The following DNAH2 variants were observed in gnomAD, a reference collection of about 807,000 sequenced individuals.
The protein encoded by DNAH2 is dynein axonemal heavy chain 2, also known as axonemal beta dynein heavy chain 2.
A neutral mutation model predicts 523.5 loss-of-function variants in DNAH2; 323 were observed. That is an observed-to-expected ratio of 0.62 (90% CI 0.56 to 0.68). DNAH2 has a LOEUF of 0.68. DNAH2 is among the 30% of genes least tolerant of loss of function. The probability of loss-of-function intolerance (pLI) is 0.00; values close to 1 mark genes in which losing one functional copy is unlikely to be tolerated. For missense variants in DNAH2, 4,907 were observed against 5,701.5 expected (o/e 0.86, Z 4.49); for synonymous variants, 2,093 against 2,177.4 (o/e 0.96, Z 1.08).
chr17:7,736,720 G>A (rs2075152934), intron 7 of DNAH2, among the ~76,000 whole-genome samples: 1 of 152,148 alleles, frequency 6.6e-6, no homozygotes, highest in Non-Finnish European at 1.5e-5. Flanking sequence ...GGTGGCTCAC[G>A]CCTGTAATCC....
At chr17:7,745,953 C>T (rs944190235) in intron 12 of DNAH2, among the ~76,000 whole-genome samples, 2 of 152,116 alleles carry the variant, frequency 1.3e-5, no homozygotes, top group African/African-American at 2.4e-5. Flanking sequence ...CATTTTGCCA[C>T]GTGACCTCAG....
chr17:7,795,490 C>T (rs1045902857), intron 49 of DNAH2, among the ~76,000 whole-genome samples: 8 of 151,436 alleles, frequency 5.3e-5, no homozygotes, highest in East Asian at 3.9e-4. Context: ...CTGAGCAACA[C>T]GGGGAAACCC....
Position 7,804,247 on chromosome 17 carries a change from T to A in DNAH2, c.8973-9T>A. ...GCCTCTCCACACCCTGTCCTATTCT[T>A]TCCCCCAGGTTGCTGGGAGAAAAAC... On this transcript the variant is annotated splice_polypyrimidine_tract_variant and intron_variant, in intron 58 of 85. Coordinates refer to ENST00000572933, the MANE Select transcript of DNAH2 (RefSeq NM_020877.5). The A allele has an allele frequency of 6.2e-7, 1 of 1,613,928 alleles. No homozygotes were observed. The highest frequency in any genetic ancestry group is 8.5e-7 in the Non-Finnish European group (1 of 1,179,944).
intron 32 of DNAH2, 53 bp downstream of exon 32, chr17:7,776,942 C>T: frequency 6.8e-7 from 1 of 1,471,228 alleles, no homozygotes; most frequent in Non-Finnish European, 9.4e-7. Flanking sequence ...CTTTGGGAGG[C>T]AGAGGTGGTA....
rs1285150615 is a variant in DNAH2, at chr17:7,833,508, C to T, written c.13259C>T (p.Ala4420Val). ...TPDHWIKRGT[A>V]LLMSLDS Reference sequence around the variant, plus strand: ...GATCATTGGATCAAGAGGGGCACTGCTCTACTCATGAGCCTGGACAGCTGA... The same window carrying T: ...GATCATTGGATCAAGAGGGGCACTGTTCTACTCATGAGCCTGGACAGCTGA... The change falls in exon 86 of 86, where the codon GCT (alanine) becomes GTT (valine). Residue 4420 changes from alanine to valine, a missense_variant. Around this residue, in one of 3 missense-constraint regions of DNAH2, gnomAD observed 1,851 missense variants for 2,139.4 expected, o/e 0.87. Coordinates refer to ENST00000572933, the MANE Select transcript of DNAH2 (RefSeq NM_020877.5). 1.2e-6 allele frequency: 2 copies of T among 1,614,100 alleles called. No individual in the cohort carries two copies. Among genetic ancestry groups the T allele is most frequent in the Non-Finnish European group, 1.7e-6 (2 of 1,180,046 alleles).
rs142570472 is a variant in DNAH2, at chr17:7,779,034, A to C, written c.5542-209A>C. Reference sequence around the variant, plus strand: ...CTACCCCAGTCTCTTTCCAACCCACACCTTTTCTAGCATCACCCCAGATTG... The same window carrying C: ...CTACCCCAGTCTCTTTCCAACCCACCCCTTTTCTAGCATCACCCCAGATTG... On this transcript the variant is annotated intron_variant, in intron 35 of 85. Transcript: ENST00000572933. 6.2e-4 allele frequency among the ~76,000 whole-genome samples: 94 copies of C among 152,154 alleles called. 1 individual carries two copies. In the East Asian group the frequency reaches 0.016, roughly 26 times the overall value.
chr17:7,756,934 G>A (rs1457855487), intron 12 of DNAH2, among the ~76,000 whole-genome samples, 157 bp from the exon 13 acceptor site: 1 of 152,198 alleles, frequency 6.6e-6, no homozygotes, highest in African/African-American at 2.4e-5. Flanking sequence ...GCCCCACAAA[G>A]TGCTGGGATT....
At position 7,748,335 on chromosome 17, in the gene DNAH2, C is replaced by T. The variant is rs962557060; in HGVS notation, c.1904+5193C>T. Among the ~76,000 whole-genome samples the T allele has an allele frequency of 9.2e-5, 14 of 152,154 alleles. 1 individual carries two copies. Among genetic ancestry groups the T allele is most frequent in the African/African-American group, 2.7e-4 (11 of 41,422 alleles). On this transcript the variant is annotated intron_variant, in intron 12 of 85. Coordinates refer to ENST00000572933, the MANE Select transcript of DNAH2 (RefSeq NM_020877.5). ...TTTTTTGTTCCCAGAGCTTCTCTCT[C>T]TTTTTTCCCCGGTCACAGAGTGCCT...
At position 7,758,929 on chromosome 17, in the gene DNAH2, T is replaced by C. The variant is rs764140444; in HGVS notation, c.2253T>C (p.Ile751=). The C allele has an allele frequency of 7.4e-6, 12 of 1,614,174 alleles. No homozygotes were observed. Among genetic ancestry groups the C allele is most frequent in the Admixed American group, 3.3e-5 (2 of 60,014 alleles). The change falls in exon 15 of 86, where the codon ATT becomes ATC. Residue 751 remains isoleucine, a synonymous_variant. Transcript: ENST00000572933. ...AGTTCAAGGCATCCACTCTGACCAT[T>C]GGCTGGCGAGCCCAAGAGATGTCAG... ...VNEFKASTLT[I]GWRAQEMSEK...
Position 7,740,726 on chromosome 17 carries a change from G to A in DNAH2, c.1507-84G>A. The A allele has an allele frequency of 1.9e-6, 3 of 1,548,584 alleles. No individual in the cohort carries two copies. The South Asian group carries it at 3.7e-5, about 19-fold the overall frequency. ...CCCCGGGAGTGTGACTCCCGCAGCG[G>A]GGTGCAGCTTTCCTCTGGGATGAGT... On this transcript the variant is annotated intron_variant, in intron 10 of 85. Transcript: ENST00000572933.
chr17:7,823,983 G>T lies in DNAH2; in HGVS notation c.11478+1G>T. 1 of 1,611,746 alleles carries T rather than the reference G, an allele frequency of 6.2e-7. No individual in the cohort carries two copies. The highest frequency in any genetic ancestry group is 8.5e-7 in the Non-Finnish European group (1 of 1,178,980). ...GCCGCCTGTGCTGAATATGAAGTCG[G>T]TCGGTGGCTCGGCTTCCTTGTCCCC... On this transcript the variant is annotated splice_donor_variant, in intron 75 of 85. Transcript: ENST00000572933. LOFTEE classifies it high-confidence loss of function.
At chr17:7,785,135 T>C (rs540358927) in intron 39 of DNAH2, among the ~76,000 whole-genome samples, 26 of 148,720 alleles carry the variant, frequency 1.7e-4, no homozygotes, top group Admixed American at 1.5e-3. Context: ...AAAAAAAAGC[T>C]CTGTTGCCCA....
intron 13 of DNAH2, among the ~76,000 whole-genome samples, chr17:7,757,923 C>G (rs768961428): frequency 2.0e-4 from 30 of 152,162 alleles, no homozygotes; most frequent in Non-Finnish European, 3.5e-4. Flanking sequence ...GAGGGCTCCA[C>G]CTTCATGACC....
At chr17:7,723,268 C>CTTT (rs58689789) in intron 2 of DNAH2, among the ~76,000 whole-genome samples, 17,958 of 59,968 alleles carry the variant, frequency 0.3, 3,927 homozygotes, top group Non-Finnish European at 0.35. Context: ...CTGTACCCGG[C>CTTT]TTTTTTTTTT....
intron 4 of DNAH2, among the ~76,000 whole-genome samples, chr17:7,729,446 T>C (rs1335589701): frequency 1.3e-5 from 2 of 152,066 alleles, no homozygotes; most frequent in African/African-American, 4.8e-5. Flanking sequence ...TTTGTTTGTT[T>C]TGAGACGGAG....
intron 46 of DNAH2, 63 bp from the exon 47 acceptor site, chr17:7,792,590 AAAGG>A: frequency 7.3e-7 from 1 of 1,365,012 alleles, no homozygotes; most frequent in Non-Finnish European, 1.0e-6. Flanking sequence ...ACGTAGAGGG[AAAGG>A]AAGTGGGAGT....
At chr17:7,737,652 G>A (rs2075179866) in intron 8 of DNAH2, among the ~76,000 whole-genome samples, 1 of 152,212 alleles carries the variant, frequency 6.6e-6, no homozygotes, top group Admixed American at 6.5e-5. Context: ...CTCTTGAGGA[G>A]CAGGGCCTGG....
intron 39 of DNAH2, among the ~76,000 whole-genome samples, chr17:7,785,637 C>T (rs571506130): frequency 6.6e-6 from 1 of 152,238 alleles, no homozygotes; most frequent in South Asian, 2.1e-4. Flanking sequence ...TCTGTTAGGT[C>T]ATGGTTCTTC....
rs74527020 is a variant in DNAH2 at position 7,727,271 on chromosome 17, A to G, written c.378A>G (p.Leu126=). The G allele has an allele frequency of 1.2e-6, 2 of 1,612,256 alleles. No individual in the cohort carries two copies. The highest frequency in any genetic ancestry group is 1.7e-6 in the Non-Finnish European group (2 of 1,179,172). The change falls in exon 4 of 86, where the codon CTA becomes CTG. Residue 126 remains leucine, a synonymous_variant. Transcript: ENST00000572933. ...TTGACCCTTGTTTTGGGCTGAAGCTAGAGCTGGGCATGCCTGTACAGGTGC... is the reference window on the plus strand; with the variant it reads ...TTGACCCTTGTTTTGGGCTGAAGCTGGAGCTGGGCATGCCTGTACAGGTGC... ...IFIDPCFGLK[L]ELGMPVQTQN...
Sources: allele counts gnomAD v4.1 joint callset (sites outside exome capture counted in the v4.1 genomes callset), GRCh38; gene constraint gnomAD v4.1.1; regional missense constraint gnomAD v4.1.1; transcripts MANE v1.5; gene names NCBI Gene and HGNC (gene_info 2026-07-23, HGNC 2026-07-21).